Variants in NOL4 observed in about 807,000 individuals in gnomAD.
NOL4 encodes the protein nucleolar protein 4.
In NOL4, 17 loss-of-function variants were observed where a neutral mutation model predicts 75.9. The observed-to-expected ratio is 0.22, with a 90% CI of 0.15 to 0.34. NOL4 has a LOEUF of 0.34. NOL4 is among the 10% of genes least tolerant of loss of function. The pLI is 1.00. For synonymous variants in NOL4, 292 were observed against 289.9 expected (o/e 1.01, Z -0.07); for missense variants, 614 against 793.5 (o/e 0.77, Z 2.72).
At chr18:34,023,613 A>T (rs1353255545) in intron 5 of NOL4, 2 of 329,984 alleles carry the variant, frequency 6.1e-6, no homozygotes, top group Non-Finnish European at 1.3e-5. Flanking sequence ...CAAGGAAAAC[A>T]GCACCTGGAG....
At chr18:33,853,097 G>C (rs920966633) in intron 10 of NOL4, 62 bp from the exon 11 acceptor site, 3 of 1,372,834 alleles carry the variant, frequency 2.2e-6, no homozygotes, top group Non-Finnish European at 3.0e-6. Flanking sequence ...TCTTGGATGT[G>C]AGCATTCAAT....
In NOL4 at chr18:34,126,223, T is replaced by C. The variant is rs977664696; in HGVS notation, c.414+3648A>G. On this transcript the variant is annotated intron_variant, in intron 2 of 10. Coordinates refer to ENST00000261592, the MANE Select transcript of NOL4 (RefSeq NM_003787.5). ...GTAACTCATTCATTTTAGCACACAA[T>C]GTATATCATTATCCACCATATAAAG... 2.0e-5 allele frequency among the ~76,000 whole-genome samples: 3 copies of C among 152,246 alleles called. No individual in the cohort carries two copies. In the South Asian group the frequency reaches 6.2e-4, roughly 32 times the overall value.
At position 33,851,264 on chromosome 18, in the gene NOL4, T is replaced by G. The variant is rs1207790703; in HGVS notation, c.*1578A>C. The G allele has an allele frequency of 6.6e-6, 1 of 152,524 alleles. No homozygotes were observed. Among genetic ancestry groups the G allele is most frequent in the Non-Finnish European group, 1.5e-5 (1 of 67,996 alleles). 9.4% of individuals were successfully genotyped at this position (152,524 alleles called of 1,614,324 possible). A position where few individuals can be genotyped will look rare whatever the true frequency, so the allele number is the denominator to read the frequency against. ...AAAATACTCATATTTCAATAAGATTTTTCACATTATATTCACCAACAGTAT... is the reference window on the plus strand; with the variant it reads ...AAAATACTCATATTTCAATAAGATTGTTCACATTATATTCACCAACAGTAT... On this transcript the variant is annotated 3_prime_UTR_variant, in exon 11 of 11. Transcript: ENST00000261592.
intron 10 of NOL4, among the ~76,000 whole-genome samples, chr18:33,872,886 T>C (rs192579402): frequency 1.2e-3 from 176 of 152,066 alleles, no homozygotes; most frequent in African/African-American, 4.1e-3. Flanking sequence ...TTAAGTCAGG[T>C]CATCAAGGAA....
At chr18:34,124,905 C>CAAAA (rs11332460) in intron 2 of NOL4, among the ~76,000 whole-genome samples, 7 of 147,702 alleles carry the variant, frequency 4.7e-5, no homozygotes, top group African/African-American at 7.5e-5. Context: ...AAAACTGTCT[C>CAAAA]AAAAAAAAAA....
chr18:34,018,847 T>C (rs886175395), intron 6 of NOL4, among the ~76,000 whole-genome samples: 14 of 152,198 alleles, frequency 9.2e-5, no homozygotes, highest in African/African-American at 3.4e-4. Flanking sequence ...TTAACAGTTA[T>C]TTAGTGTCCA....
chr18:33,919,489 C>T (rs1409265057), intron 9 of NOL4, among the ~76,000 whole-genome samples: 1 of 152,084 alleles, frequency 6.6e-6, no homozygotes, highest in Non-Finnish European at 1.5e-5. Context: ...GTGGTCACTT[C>T]CATAATGCAT....
intron 8 of NOL4, among the ~76,000 whole-genome samples, chr18:33,946,123 T>C (rs2068819154): frequency 6.6e-6 from 1 of 151,754 alleles, no homozygotes; most frequent in African/African-American, 2.4e-5. Flanking sequence ...GTTATAATCA[T>C]CATTAACTCA....
chr18:34,010,293 T>C (rs138357225), intron 6 of NOL4, among the ~76,000 whole-genome samples: 250 of 152,052 alleles, frequency 1.6e-3, no homozygotes, highest in African/African-American at 5.6e-3. Context: ...TCACTTAACA[T>C]GTCCTTCAGT....
intron 6 of NOL4, among the ~76,000 whole-genome samples, chr18:34,010,461 T>C (rs1047570412): frequency 6.6e-6 from 1 of 151,920 alleles, no homozygotes; most frequent in African/African-American, 2.4e-5. Context: ...GCAATAAACA[T>C]GGATGTACAG....
chr18:33,958,923 A>G (rs534396546), intron 6 of NOL4, among the ~76,000 whole-genome samples: 1 of 152,280 alleles, frequency 6.6e-6, no homozygotes, highest in East Asian at 1.9e-4. Flanking sequence ...GGGATGTTCA[A>G]TTAACTTACC....
intron 1 of NOL4, among the ~76,000 whole-genome samples, chr18:34,159,687 G>C (rs773739500): frequency 6.6e-6 from 1 of 152,036 alleles, no homozygotes; most frequent in Admixed American, 6.6e-5. Context: ...CCCGACCAAC[G>C]GCAGCACACT....
At chr18:33,919,189 C>T (rs944786867) in intron 9 of NOL4, among the ~76,000 whole-genome samples, 2 of 152,038 alleles carry the variant, frequency 1.3e-5, no homozygotes, top group African/African-American at 4.8e-5. Flanking sequence ...ACCCTGTTGC[C>T]ATTGCTATAG....
chr18:33,889,881 CAT>C (rs1198416673), intron 9 of NOL4, among the ~76,000 whole-genome samples: 1 of 152,034 alleles, frequency 6.6e-6, no homozygotes, highest in African/African-American at 2.4e-5. Context: ...ATTGATGGAA[CAT>C]ATCTCAAAAT....
chr18:34,222,968 C>T (rs773034363), intron 1 of NOL4, 22 bp downstream of exon 1: 10 of 1,600,468 alleles, frequency 6.2e-6, no homozygotes, highest in African/African-American at 2.7e-5. Context: ...AGACAAATAA[C>T]AGAGGAAGGC....
chr18:34,071,434 G>GACACACACACACAC (rs879681812), intron 5 of NOL4, among the ~76,000 whole-genome samples: 1 of 66,522 alleles, frequency 1.5e-5, no homozygotes, highest in African/African-American at 4.8e-5. Context: ...CAGACAGACA[G>GACACACACACACAC]ACAGACACAC....
intron 1 of NOL4, among the ~76,000 whole-genome samples, chr18:34,185,270 G>C (rs1413653906): frequency 6.6e-6 from 1 of 152,038 alleles, no homozygotes; most frequent in Non-Finnish European, 1.5e-5. Context: ...GAACATACAA[G>C]ACTTCTAATC....
At chr18:34,005,129 C>T (rs1452296242) in intron 6 of NOL4, among the ~76,000 whole-genome samples, 1 of 152,048 alleles carries the variant, frequency 6.6e-6, no homozygotes, top group African/African-American at 2.4e-5. Context: ...AATATAAATG[C>T]AATGAATCCT....
intron 9 of NOL4, among the ~76,000 whole-genome samples, chr18:33,897,838 A>G (rs1178788758): frequency 6.6e-6 from 1 of 152,058 alleles, no homozygotes; most frequent in Admixed American, 6.6e-5. Context: ...AAAAAACTAC[A>G]TTTAGGACAA....
Sources: gnomAD v4.1 joint callset for allele counts (sites outside exome capture counted in the v4.1 genomes callset) on GRCh38, gnomAD v4.1.1 for gene constraint, MANE v1.5 for transcripts, NCBI Gene and HGNC (gene_info 2026-07-23, HGNC 2026-07-21) for gene names.